The following IGF1R variants were observed in gnomAD, a reference collection of about 807,000 sequenced individuals.
The protein encoded by IGF1R is insulin-like growth factor 1 receptor.
A neutral mutation model predicts 144.6 loss-of-function variants in IGF1R; 44 were observed. That is an observed-to-expected ratio of 0.30 (90% CI 0.24 to 0.39). The LOEUF (loss-of-function observed/expected upper bound fraction) is 0.39, where lower values mean the gene tolerates loss of function less well. Ranked by LOEUF, IGF1R falls within the 10% of genes least tolerant of loss-of-function variation. The probability of loss-of-function intolerance (pLI) is 1.00; values close to 1 mark genes in which losing one functional copy is unlikely to be tolerated. For missense variants in IGF1R, 1,355 were observed against 1,833.7 expected, an observed-to-expected ratio of 0.74 and a Z score of 4.77; for synonymous variants, 795 against 722.8, an observed-to-expected ratio of 1.10 and a Z score of -1.60.
chr15:98,937,321 C>T (rs1317632452), intron 17 of IGF1R, among the ~76,000 whole-genome samples: 3 of 152,150 alleles, frequency 2.0e-5, no homozygotes, highest in Non-Finnish European at 4.4e-5. Flanking sequence ...CTCCCTTCCT[C>T]CCCAGTTTCA....
At chr15:98,930,885 C>T (rs2015913678) in intron 15 of IGF1R, among the ~76,000 whole-genome samples, 2 of 152,126 alleles carry the variant, frequency 1.3e-5, no homozygotes, top group African/African-American at 2.4e-5. Flanking sequence ...GGGTGATCCT[C>T]AATGGTTATT....
intron 2 of IGF1R, among the ~76,000 whole-genome samples, chr15:98,857,532 A>G (rs1053895637): frequency 2.6e-5 from 4 of 152,202 alleles, no homozygotes; most frequent in African/African-American, 9.6e-5. Flanking sequence ...GTCTTTAAAA[A>G]TAAATGTAAA....
intron 1 of IGF1R, among the ~76,000 whole-genome samples, chr15:98,702,099 G>C (rs755844481): frequency 1.5e-5 from 2 of 136,200 alleles, no homozygotes; most frequent in East Asian, 4.4e-4. Flanking sequence ...TACAGTTCTC[G>C]TGTAGGTCTT....
chr15:98,693,090 G>A (rs2141235358), intron 1 of IGF1R, among the ~76,000 whole-genome samples: 1 of 152,292 alleles, frequency 6.6e-6, no homozygotes, highest in African/African-American at 2.4e-5. Flanking sequence ...CCAGGGCTGT[G>A]TGGGGAGAGC....
chr15:98,710,927 C>T (rs2141264481), intron 2 of IGF1R, among the ~76,000 whole-genome samples: 1 of 152,286 alleles, frequency 6.6e-6, no homozygotes, highest in South Asian at 2.1e-4. Flanking sequence ...GCCTCAGCCT[C>T]CCAAAGTGTT....
chr15:98,789,748 T>G (rs1264670916), intron 2 of IGF1R, among the ~76,000 whole-genome samples: 1 of 152,204 alleles, frequency 6.6e-6, no homozygotes. Flanking sequence ...GCATGTGTTC[T>G]TAAACTCTGT....
At chr15:98,778,723 G>C (rs750780107) in intron 2 of IGF1R, among the ~76,000 whole-genome samples, 22 of 152,190 alleles carry the variant, frequency 1.4e-4, no homozygotes, top group Non-Finnish European at 2.9e-4. Flanking sequence ...CCTGCACTGG[G>C]CCACCTTCCC....
intron 1 of IGF1R, among the ~76,000 whole-genome samples, chr15:98,668,924 C>G (rs551615788): frequency 1.3e-5 from 2 of 152,354 alleles, no homozygotes; most frequent in African/African-American, 4.8e-5. Context: ...CCTCTCCCAG[C>G]AAATCCAGGA....
intron 2 of IGF1R, among the ~76,000 whole-genome samples, chr15:98,773,749 G>C (rs2055647284): frequency 1.3e-5 from 2 of 152,176 alleles, no homozygotes; most frequent in African/African-American, 4.8e-5. Context: ...ACGCTGCTCA[G>C]AACTGTGGTT....
chr15:98,882,164 T>C (rs2013417662), intron 2 of IGF1R, among the ~76,000 whole-genome samples: 1 of 152,210 alleles, frequency 6.6e-6, no homozygotes, highest in East Asian at 1.9e-4. Flanking sequence ...GCGTGTTGCG[T>C]GAGTGGTGAC....
intron 2 of IGF1R, among the ~76,000 whole-genome samples, chr15:98,878,663 C>CAAAAAT (rs2013186506): frequency 1.7e-5 from 1 of 57,906 alleles, no homozygotes; most frequent in Non-Finnish European, 2.9e-5. Flanking sequence ...GTGAAAGACT[C>CAAAAAT]AAAAAAAAAA....
chr15:98,707,842 C>G lies in IGF1R; in HGVS notation c.375C>G (p.Leu125=), dbSNP rs2053902322. 9.9e-6 allele frequency: 16 copies of G among 1,614,186 alleles called. No individual in the cohort carries two copies. Among genetic ancestry groups the G allele is most frequent in the Non-Finnish European group, 1.4e-5 (16 of 1,180,040 alleles). Residue 125 remains leucine, a synonymous_variant, in exon 2 of 21, where the codon CTC becomes CTG. Coordinates refer to ENST00000650285, the MANE Select transcript of IGF1R (RefSeq NM_000875.5). This position sits in a 1 kb window ranked among gnomAD's most constrained non-coding sequence, Gnocchi z 6.7. ...YALVIFEMTN[L]KDIGLYNLRN... ...TGGTCATCTTCGAGATGACCAATCTCAAGGATATTGGGCTTTACAACCTGA... is the reference window on the plus strand; with the variant it reads ...TGGTCATCTTCGAGATGACCAATCTGAAGGATATTGGGCTTTACAACCTGA...
chr15:98,865,494 C>A (rs1191670827), intron 2 of IGF1R, among the ~76,000 whole-genome samples: 1 of 152,174 alleles, frequency 6.6e-6, no homozygotes, highest in East Asian at 1.9e-4. Context: ...GCGCCCCGGC[C>A]ACGCCCACCG....
intron 2 of IGF1R, among the ~76,000 whole-genome samples, chr15:98,778,055 A>G (rs568060548): frequency 6.6e-6 from 1 of 152,364 alleles, no homozygotes; most frequent in Non-Finnish European, 1.5e-5. Context: ...GCAGAGCTTA[A>G]TAAGAACAGG....
In IGF1R at chr15:98,916,797, G is replaced by A. The variant is rs1198985271; in HGVS notation, c.2122G>A (p.Glu708Lys). 15 of 1,614,004 alleles carry A rather than the reference G, an allele frequency of 9.3e-6. No homozygotes were observed. The highest frequency in any genetic ancestry group is 2.7e-5 in the African/African-American group (2 of 74,896). The part of the protein sequence containing the change: ...PCCACPKTEA[E>K]KQAEKEEAEY... ...CTGCGCCTGCCCCAAAACTGAAGCC[G>A]AGAAGCAGGCCGAGAAGGAGGAGGC... Residue 708 changes from glutamate to lysine, a missense_variant, in exon 10 of 21, where the codon GAG becomes AAG. Glu to Lys is a moderately conservative substitution (Grantham distance 56, BLOSUM62 1). Around this residue, in one of 7 missense-constraint regions of IGF1R, gnomAD observed 880 missense variants for 1,202.7 expected, o/e 0.73. Coordinates refer to ENST00000650285, the MANE Select transcript of IGF1R (RefSeq NM_000875.5).
chr15:98,851,196 C>T (rs977683860), intron 2 of IGF1R, among the ~76,000 whole-genome samples: 4 of 152,084 alleles, frequency 2.6e-5, no homozygotes, highest in South Asian at 2.1e-4. Flanking sequence ...AGGAACACAG[C>T]GGCTGAGGAA....
At chr15:98,738,089 AT>A (rs2054654165) in intron 2 of IGF1R, among the ~76,000 whole-genome samples, 1 of 152,184 alleles carries the variant, frequency 6.6e-6, no homozygotes, top group East Asian at 1.9e-4. Flanking sequence ...CTGTATCTAG[AT>A]TAAAATCCTA....
intron 2 of IGF1R, among the ~76,000 whole-genome samples, chr15:98,739,219 T>C (rs958927212): frequency 6.6e-6 from 1 of 152,216 alleles, no homozygotes; most frequent in African/African-American, 2.4e-5. Flanking sequence ...TGGTGGTGGC[T>C]GATCCTGACC....
chr15:98,882,162 C>T (rs560070387), intron 2 of IGF1R, among the ~76,000 whole-genome samples: 35 of 152,316 alleles, frequency 2.3e-4, no homozygotes, highest in African/African-American at 7.5e-4. Context: ...GGGCGTGTTG[C>T]GTGAGTGGTG....
Sources: allele counts gnomAD v4.1 joint callset (sites outside exome capture counted in the v4.1 genomes callset), GRCh38; gene constraint gnomAD v4.1.1; regional missense constraint gnomAD v4.1.1; non-coding constraint Gnocchi (gnomAD v3.1); transcripts MANE v1.5; gene names NCBI Gene and HGNC (gene_info 2026-07-23, HGNC 2026-07-21).